Variants in KCNIP4 observed in about 807,000 individuals in gnomAD.
The protein encoded by KCNIP4 is potassium voltage-gated channel interacting protein 4.
In KCNIP4, 12 loss-of-function variants were observed where a neutral mutation model predicts 34.0. That is an observed-to-expected ratio of 0.35 (90% CI 0.23 to 0.57). The LOEUF is 0.57. KCNIP4 is among the 20% of genes least tolerant of loss of function. The pLI, the probability that KCNIP4 is intolerant of heterozygous loss-of-function variation, is 0.83. For missense variants in KCNIP4, 238 were observed against 311.7 expected (o/e 0.76, Z 1.78); for synonymous variants, 124 against 102.2 (o/e 1.21, Z -1.29).
At chr4:20,797,286 T>A (rs1560471343) in intron 3 of KCNIP4, among the ~76,000 whole-genome samples, 2 of 152,208 alleles carry the variant, frequency 1.3e-5, no homozygotes. Context: ...ATATGTTGGT[T>A]TTGAACCCTA....
intron 1 of KCNIP4, among the ~76,000 whole-genome samples, chr4:21,682,931 T>C (rs1459593394): frequency 6.6e-6 from 1 of 152,186 alleles, no homozygotes; most frequent in Admixed American, 6.5e-5. Flanking sequence ...AATGAAAAAC[T>C]ATGAAATATT....
At chr4:21,099,381 A>T (rs558651496) in intron 1 of KCNIP4, among the ~76,000 whole-genome samples, 1 of 152,272 alleles carries the variant, frequency 6.6e-6, no homozygotes, top group African/African-American at 2.4e-5. Context: ...CAAACACCGC[A>T]TGTTCTCACT....
intron 1 of KCNIP4, among the ~76,000 whole-genome samples, chr4:21,043,774 T>C (rs554016503): frequency 7.9e-5 from 12 of 152,198 alleles, no homozygotes; most frequent in African/African-American, 2.4e-4. Flanking sequence ...TCAAATAGTA[T>C]GCCAAATGCT....
chr4:20,963,096 A>G (rs2149663093), intron 1 of KCNIP4, among the ~76,000 whole-genome samples: 1 of 152,184 alleles, frequency 6.6e-6, no homozygotes, highest in Non-Finnish European at 1.5e-5. Flanking sequence ...CGAGGCAGGC[A>G]GATCACTTGA....
intron 1 of KCNIP4, among the ~76,000 whole-genome samples, chr4:21,251,313 G>A (rs1760679909): frequency 6.6e-6 from 1 of 152,036 alleles, no homozygotes; most frequent in African/African-American, 2.4e-5. Context: ...TTCCTTCTCT[G>A]TGAGCTAAAT....
At chr4:20,865,132 G>A (rs980801170) in intron 2 of KCNIP4, among the ~76,000 whole-genome samples, 5 of 152,060 alleles carry the variant, frequency 3.3e-5, no homozygotes, top group African/African-American at 1.2e-4. Context: ...TGGAAGAAAG[G>A]ATGTAACTGA....
chr4:21,765,818 TGAAA>T (rs1718371731), intron 1 of KCNIP4, among the ~76,000 whole-genome samples: 1 of 29,400 alleles, frequency 3.4e-5, no homozygotes, highest in African/African-American at 2.0e-4. Flanking sequence ...CACCAGGCCG[TGAAA>T]AAAAAAAAAA....
At chr4:21,840,212 T>G (rs1723593442) in intron 1 of KCNIP4, among the ~76,000 whole-genome samples, 2 of 151,450 alleles carry the variant, frequency 1.3e-5, no homozygotes, top group African/African-American at 2.4e-5. Flanking sequence ...TAGATACAAC[T>G]GTGCTGAAAC....
intron 1 of KCNIP4, among the ~76,000 whole-genome samples, chr4:21,549,729 G>T (rs771307344): frequency 6.6e-6 from 1 of 152,032 alleles, no homozygotes; most frequent in South Asian, 2.1e-4. Flanking sequence ...GAAGTGACTT[G>T]TTCAGACAGT....
chr4:21,027,622 TTCTTG>T (rs1490094111), intron 1 of KCNIP4, among the ~76,000 whole-genome samples: 1 of 150,390 alleles, frequency 6.6e-6, no homozygotes, highest in East Asian at 1.9e-4. Context: ...ATATGTAATC[TTCTTG>T]TCTTTGTCAC....
At chr4:21,304,821 T>C (rs1712258402) in intron 1 of KCNIP4, among the ~76,000 whole-genome samples, 1 of 152,210 alleles carries the variant, frequency 6.6e-6, no homozygotes, top group South Asian at 2.1e-4. Context: ...ATTCATCATA[T>C]TTGCATAGTA....
rs185351775 is a variant in KCNIP4 at position 20,837,986 on chromosome 4, G to A, written c.288+12557C>T. ...AATACAGGCATGAGACACCACGCCC[G>A]GCCTCAGTGATATATTTTTGTGAAC... On this transcript the variant is annotated intron_variant, in intron 3 of 8. Coordinates refer to ENST00000382152, the MANE Select transcript of KCNIP4 (RefSeq NM_025221.6). 2.6e-4 allele frequency among the ~76,000 whole-genome samples: 39 copies of A among 151,802 alleles called. 1 individual carries two copies. In the South Asian group the frequency reaches 3.1e-3, roughly 12 times the overall value.
chr4:21,808,589 G>A (rs1470682740), intron 1 of KCNIP4, among the ~76,000 whole-genome samples: 2 of 152,136 alleles, frequency 1.3e-5, no homozygotes, highest in African/African-American at 4.8e-5. Context: ...TAAGTTTTGA[G>A]GGGGAGTCAA....
At chr4:21,418,417 A>G (rs1725158160) in intron 1 of KCNIP4, among the ~76,000 whole-genome samples, 1 of 152,196 alleles carries the variant, frequency 6.6e-6, no homozygotes, top group South Asian at 2.1e-4. Context: ...GTATTGCTTG[A>G]ACCCAGAAGG....
At chr4:21,618,579 T>A (rs566442593) in intron 1 of KCNIP4, among the ~76,000 whole-genome samples, 4 of 150,502 alleles carry the variant, frequency 2.7e-5, no homozygotes, top group African/African-American at 4.8e-5. Context: ...TCTCTCTCTC[T>A]CACTCTCTGT....
intron 1 of KCNIP4, among the ~76,000 whole-genome samples, chr4:21,195,308 G>A (rs1215345628): frequency 6.6e-6 from 1 of 152,314 alleles, no homozygotes; most frequent in East Asian, 1.9e-4. Flanking sequence ...ATTCAATTGG[G>A]AATATATGTG....
At chr4:21,863,101 A>G (rs1421750968) in intron 1 of KCNIP4, among the ~76,000 whole-genome samples, 4 of 152,136 alleles carry the variant, frequency 2.6e-5, no homozygotes, top group Non-Finnish European at 5.9e-5. Flanking sequence ...AAGTGTTCAT[A>G]CTACTATTTT....
chr4:21,433,427 C>A (rs943932861), intron 1 of KCNIP4, among the ~76,000 whole-genome samples: 1 of 152,020 alleles, frequency 6.6e-6, no homozygotes, highest in Non-Finnish European at 1.5e-5. Context: ...AATGGCAAGA[C>A]CCCCATCTCT....
At chr4:21,077,749 A>G (rs940829322) in intron 1 of KCNIP4, among the ~76,000 whole-genome samples, 1 of 152,124 alleles carries the variant, frequency 6.6e-6, no homozygotes, top group African/African-American at 2.4e-5. Flanking sequence ...TAAAGAGTAC[A>G]TTACTATTTA....
Sources: allele counts gnomAD v4.1 joint callset (sites outside exome capture counted in the v4.1 genomes callset), GRCh38; gene constraint gnomAD v4.1.1; transcripts MANE v1.5; gene names NCBI Gene and HGNC (gene_info 2026-07-23, HGNC 2026-07-21).